Variants in B3GAT2 observed in about 807,000 individuals in gnomAD.
B3GAT2 encodes the protein beta-1,3-glucuronyltransferase 2, also known as galactosylgalactosylxylosylprotein 3-beta-glucuronosyltransferase 2.
A neutral mutation model predicts 27.8 loss-of-function variants in B3GAT2; 26 were observed. The observed-to-expected ratio is 0.93, with a 90% CI of 0.68 to 1.30. The LOEUF (loss-of-function observed/expected upper bound fraction) is 1.30. B3GAT2 is among the 50% of genes most tolerant of loss of function. The probability of loss-of-function intolerance (pLI) is 0.00; values close to 1 mark genes in which losing one functional copy is unlikely to be tolerated. For synonymous variants in B3GAT2, 218 were observed against 195.1 expected, an observed-to-expected ratio of 1.12 and a Z score of -0.98; for missense variants, 458 against 459.0, an observed-to-expected ratio of 1.00 and a Z score of 0.02.
At chr6:70,906,345 A>AT (rs919801016) in intron 1 of B3GAT2, among the ~76,000 whole-genome samples, 14 of 151,050 alleles carry the variant, frequency 9.3e-5, no homozygotes, top group South Asian at 4.2e-4. Flanking sequence ...TCTCATAGCA[A>AT]TTTTTTTTTA....
chr6:70,935,682 C>T (rs1236390577), intron 1 of B3GAT2, among the ~76,000 whole-genome samples: 1 of 152,130 alleles, frequency 6.6e-6, no homozygotes, highest in African/African-American at 2.4e-5. Flanking sequence ...AAATAAAATA[C>T]TCTACAGACA....
intron 1 of B3GAT2, among the ~76,000 whole-genome samples, chr6:70,919,856 G>A (rs922993078): frequency 5.9e-5 from 9 of 152,342 alleles, no homozygotes; most frequent in African/African-American, 2.2e-4. Context: ...ACAGGGGTCA[G>A]GGACCCACTT....
At chr6:70,889,961 T>C (rs112487123) in intron 2 of B3GAT2, among the ~76,000 whole-genome samples, 142 of 152,148 alleles carry the variant, frequency 9.3e-4, no homozygotes, top group African/African-American at 3.3e-3. Flanking sequence ...TTTGTATTTG[T>C]AGTAGAGACG....
chr6:70,920,955 A>G (rs1016382547), intron 1 of B3GAT2, among the ~76,000 whole-genome samples: 2 of 152,146 alleles, frequency 1.3e-5, no homozygotes, highest in African/African-American at 4.8e-5. Flanking sequence ...TAGGTCTCCA[A>G]ATCTCTCCTG....
Position 70,858,515 on chromosome 6 carries a change from A to G in B3GAT2, c.*3148T>C, listed in dbSNP as rs1771545509. ...TGTAACGTGAACACCACTAATGGCC[A>G]GAAATTATCTCAGGCATCATGAGAC... On this transcript the variant is annotated 3_prime_UTR_variant, in exon 4 of 4. Coordinates refer to ENST00000230053, the MANE Select transcript of B3GAT2 (RefSeq NM_080742.3). 1 of 237,680 alleles carries G rather than the reference A, an allele frequency of 4.2e-6. No individual in the cohort carries two copies. The highest frequency in any genetic ancestry group is 8.1e-6 in the Non-Finnish European group (1 of 123,536). 14.7% of individuals were successfully genotyped at this position (237,680 alleles called of 1,614,324 possible).
chr6:70,949,090 A>C (rs902519646), intron 1 of B3GAT2, among the ~76,000 whole-genome samples: 1 of 152,152 alleles, frequency 6.6e-6, no homozygotes, highest in Admixed American at 6.6e-5. Context: ...TAGACCTAAA[A>C]CCATAAAAAC....
rs1337988134 is a variant in B3GAT2 at position 70,857,145 on chromosome 6, G to T, written c.*4518C>A. Reference sequence around the variant, plus strand: ...GTTCCATGTAGTGAGTGCTTTTGTTGTTGCAGTTTATACAACTATGAAGCC... The same window carrying T: ...GTTCCATGTAGTGAGTGCTTTTGTTTTTGCAGTTTATACAACTATGAAGCC... On this transcript the variant is annotated 3_prime_UTR_variant, in exon 4 of 4. Coordinates refer to ENST00000230053, the MANE Select transcript of B3GAT2 (RefSeq NM_080742.3). The T allele has an allele frequency of 9.3e-7, 1 of 1,080,778 alleles. No homozygotes were observed. The highest frequency in any genetic ancestry group is 1.3e-6 in the Non-Finnish European group (1 of 799,894). The allele number at this position is 1,080,778 out of a possible 1,614,324, so 66.9% of individuals were successfully genotyped here.
intron 1 of B3GAT2, among the ~76,000 whole-genome samples, chr6:70,952,033 T>A (rs1368782735): frequency 6.6e-6 from 1 of 152,086 alleles, no homozygotes; most frequent in Non-Finnish European, 1.5e-5. Context: ...TGTAAACTCG[T>A]ATATCCTTCA....
chr6:70,893,269 G>A (rs977184024), intron 2 of B3GAT2, among the ~76,000 whole-genome samples: 3 of 152,170 alleles, frequency 2.0e-5, no homozygotes, highest in Admixed American at 2.0e-4. Context: ...TCTTGACTAC[G>A]GCTGGGAAAT....
chr6:70,870,320 T>C (rs956485579), intron 2 of B3GAT2, among the ~76,000 whole-genome samples: 1 of 140,364 alleles, frequency 7.1e-6, no homozygotes, highest in Non-Finnish European at 1.5e-5. Context: ...ATGTTCTCAC[T>C]CATAGGTGGG....
chr6:70,876,785 C>T (rs1772021666), intron 2 of B3GAT2, among the ~76,000 whole-genome samples: 1 of 152,176 alleles, frequency 6.6e-6, no homozygotes, highest in Non-Finnish European at 1.5e-5. Context: ...TCTCTGCCCT[C>T]TGGCAACTCC....
At chr6:70,875,037 G>A (rs1771992268) in intron 2 of B3GAT2, among the ~76,000 whole-genome samples, 1 of 150,570 alleles carries the variant, frequency 6.6e-6, no homozygotes, top group African/African-American at 2.4e-5. Context: ...CCAGATTCTT[G>A]CATACTTTTA....
chr6:70,859,123 C>T lies in B3GAT2; in HGVS notation c.*2540G>A. On this transcript the variant is annotated 3_prime_UTR_variant, in exon 4 of 4. Transcript: ENST00000230053. ...GGGAATAGTCTAGAGTGATTTCTAA[C>T]ATTAGCACAATCACTATATATCACA... 2.2e-6 allele frequency: 1 copy of T among 451,568 alleles called. No individual in the cohort carries two copies. The highest frequency in any genetic ancestry group is 3.6e-5 in the South Asian group (1 of 27,864). The allele number at this position is 451,568 out of a possible 1,614,324, so 28.0% of individuals were successfully genotyped here. A position where few individuals can be genotyped will look rare whatever the true frequency, so the allele number is the denominator to read the frequency against.
chr6:70,953,247 C>T (rs1765602447), intron 1 of B3GAT2, among the ~76,000 whole-genome samples: 1 of 152,164 alleles, frequency 6.6e-6, no homozygotes, highest in African/African-American at 2.4e-5. Context: ...AATGTTTTAT[C>T]TGGTCCTACG....
chr6:70,893,088 T>A (rs1772318159), intron 2 of B3GAT2, among the ~76,000 whole-genome samples: 1 of 152,216 alleles, frequency 6.6e-6, no homozygotes, highest in Admixed American at 6.5e-5. Flanking sequence ...TCTCCCACGA[T>A]GCCATGTGAC....
chr6:70,903,540 G>T (rs1772544876), intron 1 of B3GAT2, among the ~76,000 whole-genome samples: 1 of 152,026 alleles, frequency 6.6e-6, no homozygotes, highest in Non-Finnish European at 1.5e-5. Context: ...AAAAGTCAGT[G>T]AAAGATATGA....
chr6:70,925,587 A>C (rs1332045407), intron 1 of B3GAT2, among the ~76,000 whole-genome samples: 1 of 152,142 alleles, frequency 6.6e-6, no homozygotes, highest in Non-Finnish European at 1.5e-5. Flanking sequence ...AGACGGCCCC[A>C]AGACTGGGGG....
chr6:70,944,853 C>T (rs1260011225), intron 1 of B3GAT2, among the ~76,000 whole-genome samples: 1 of 152,084 alleles, frequency 6.6e-6, no homozygotes, highest in Admixed American at 6.6e-5. Context: ...CTCACACGGC[C>T]AGGTACTCCT....
Position 70,947,502 on chromosome 6 carries a change from A to G in B3GAT2, c.591+8337T>C, listed in dbSNP as rs13217290. On this transcript the variant is annotated intron_variant, in intron 1 of 3. Coordinates refer to ENST00000230053, the MANE Select transcript of B3GAT2 (RefSeq NM_080742.3). ...CTAGAAGAAATGGATAAATTCCTCG[A>G]CACATACACCCTCCGAAGACTAAAC... is the stretch of plus-strand genomic sequence containing the variant. Among the ~76,000 whole-genome samples, 99 of 152,318 alleles carry G rather than the reference A, an allele frequency of 6.5e-4. 1 individual carries two copies. The highest frequency in any genetic ancestry group is 2.2e-3 in the African/African-American group (91 of 41,568).
Sources: gnomAD v4.1 joint callset for allele counts (sites outside exome capture counted in the v4.1 genomes callset) on GRCh38, gnomAD v4.1.1 for gene constraint, MANE v1.5 for transcripts, NCBI Gene and HGNC (gene_info 2026-07-23, HGNC 2026-07-21) for gene names.